Variants in MEI4 observed in about 807,000 individuals in gnomAD.
The protein encoded by MEI4 is meiotic double-stranded break formation protein 4.
A neutral mutation model predicts 31.4 loss-of-function variants in MEI4; 27 were observed. The observed-to-expected ratio is 0.86, with a 90% CI of 0.63 to 1.19. MEI4 has a LOEUF of 1.19. Ranked by LOEUF, MEI4 falls within the 50% of genes most tolerant of loss-of-function variation. The pLI is 0.00. For missense variants in MEI4, 329 were observed against 398.9 expected, an observed-to-expected ratio of 0.82 and a Z score of 1.49; for synonymous variants, 122 against 145.4, an observed-to-expected ratio of 0.84 and a Z score of 1.16.
At chr6:77,848,264 A>G (rs1770534706) in intron 4 of MEI4, among the ~76,000 whole-genome samples, 2 of 152,138 alleles carry the variant, frequency 1.3e-5, no homozygotes, top group South Asian at 4.1e-4. Flanking sequence ...TAGAACTGGA[A>G]CACTTCTAGT....
chr6:77,878,217 T>C (rs1246571869), intron 4 of MEI4, among the ~76,000 whole-genome samples: 4 of 137,156 alleles, frequency 2.9e-5, no homozygotes, highest in African/African-American at 1.0e-4. Flanking sequence ...AATAAGTAAA[T>C]ACATAAAAAA....
At chr6:77,736,356 G>T (rs762084092) in intron 2 of MEI4, among the ~76,000 whole-genome samples, 4 of 152,054 alleles carry the variant, frequency 2.6e-5, no homozygotes, top group Admixed American at 6.5e-5. Flanking sequence ...TTTTAAGCCC[G>T]TTGGAAAAGC....
intron 2 of MEI4, among the ~76,000 whole-genome samples, chr6:77,745,736 C>T (rs556383782): frequency 3.3e-5 from 5 of 152,238 alleles, no homozygotes; most frequent in Admixed American, 2.6e-4. Flanking sequence ...CACTCCTCAG[C>T]AAATGTAAAA....
At chr6:77,899,050 TC>T (rs1766138668) in intron 4 of MEI4, among the ~76,000 whole-genome samples, 1 of 151,638 alleles carries the variant, frequency 6.6e-6, no homozygotes, top group East Asian at 1.9e-4. Context: ...TCCATGGGTG[TC>T]CCTCATTCTC....
At chr6:77,691,506 A>G (rs1401046337) in intron 2 of MEI4, among the ~76,000 whole-genome samples, 2 of 152,052 alleles carry the variant, frequency 1.3e-5, no homozygotes, top group Non-Finnish European at 2.9e-5. Flanking sequence ...AAGATGCAGG[A>G]GCGTGTGCAA....
chr6:77,735,603 TTTGA>T (rs1767171250), intron 2 of MEI4, among the ~76,000 whole-genome samples: 1 of 152,076 alleles, frequency 6.6e-6, no homozygotes, highest in Non-Finnish European at 1.5e-5. Flanking sequence ...CTCGGAGTAA[TTTGA>T]TTGTCTGAAG....
At chr6:77,655,087 G>C (rs1264756428) in intron 1 of MEI4, among the ~76,000 whole-genome samples, 2 of 152,022 alleles carry the variant, frequency 1.3e-5, no homozygotes, top group African/African-American at 4.8e-5. Context: ...CCCGGTGTGT[G>C]ATGTTCCCCT....
intron 1 of MEI4, among the ~76,000 whole-genome samples, chr6:77,681,825 C>T (rs892454916): frequency 6.6e-5 from 10 of 152,174 alleles, no homozygotes; most frequent in Non-Finnish European, 1.5e-4. Flanking sequence ...ATCCTTTTAT[C>T]TTTGCAAGCC....
At chr6:77,877,751 G>A (rs1581945146) in intron 4 of MEI4, among the ~76,000 whole-genome samples, 1 of 123,940 alleles carries the variant, frequency 8.1e-6, no homozygotes, top group Admixed American at 9.4e-5. Context: ...TATTGGATAA[G>A]CAGCCCAAGA....
intron 3 of MEI4, among the ~76,000 whole-genome samples, chr6:77,814,976 T>A (rs1769655291): frequency 6.6e-6 from 1 of 152,176 alleles, no homozygotes; most frequent in East Asian, 1.9e-4. Context: ...ATGGATTGTG[T>A]TCTGTGCCCA....
At chr6:77,727,983 G>A (rs1447996617) in intron 2 of MEI4, among the ~76,000 whole-genome samples, 1 of 152,194 alleles carries the variant, frequency 6.6e-6, no homozygotes, top group African/African-American at 2.4e-5. Flanking sequence ...CATACAGGCA[G>A]AGACTGTAAT....
At chr6:77,890,634 T>C (rs1771737408) in intron 4 of MEI4, among the ~76,000 whole-genome samples, 1 of 152,076 alleles carries the variant, frequency 6.6e-6, no homozygotes, top group Non-Finnish European at 1.5e-5. Context: ...TGTTTTGAAA[T>C]GTGAGGACAT....
chr6:77,666,671 C>A (rs1299253568), intron 1 of MEI4, among the ~76,000 whole-genome samples: 1 of 152,156 alleles, frequency 6.6e-6, no homozygotes, highest in African/African-American at 2.4e-5. Flanking sequence ...TCAAGTTCTC[C>A]TGCTCTTCTA....
intron 3 of MEI4, among the ~76,000 whole-genome samples, chr6:77,765,798 C>A (rs143502650): frequency 6.7e-6 from 1 of 149,474 alleles, no homozygotes; most frequent in African/African-American, 2.6e-5. Flanking sequence ...AAATGTCCAA[C>A]AATGATAGAC....
chr6:77,880,323 C>T (rs1439193350), intron 4 of MEI4, among the ~76,000 whole-genome samples: 4 of 151,690 alleles, frequency 2.6e-5, no homozygotes, highest in South Asian at 2.1e-4. Context: ...CTCCGCCTCC[C>T]GGGCTCACGC....
intron 3 of MEI4, among the ~76,000 whole-genome samples, chr6:77,795,371 G>A (rs1442008255): frequency 1.3e-5 from 2 of 152,030 alleles, no homozygotes; most frequent in Non-Finnish European, 2.9e-5. Context: ...GTTAGAGGCA[G>A]CCTTCTTACA....
Position 77,736,531 on chromosome 6 carries a change from G to A in MEI4, c.233-24599G>A, listed in dbSNP as rs537102162. On this transcript the variant is annotated intron_variant, in intron 2 of 4. Coordinates refer to ENST00000684080, the MANE Select transcript of MEI4 (RefSeq NM_001322247.2). ...GCGCACACACTGACCTGCGCCCACT[G>A]TCTGGCACTCCCTAATGAGATGAAC... Among the ~76,000 whole-genome samples the A allele has an allele frequency of 2.0e-4, 31 of 152,168 alleles. No individual in the cohort carries two copies. In the East Asian group the frequency reaches 5.8e-3, roughly 28 times the overall value.
intron 2 of MEI4, among the ~76,000 whole-genome samples, chr6:77,743,968 T>C (rs1208371474): frequency 6.6e-6 from 1 of 152,110 alleles, no homozygotes; most frequent in African/African-American, 2.4e-5. Context: ...AACCCATCTG[T>C]ACATCACCAT....
At chr6:77,907,707 C>T (rs907696506) in intron 4 of MEI4, among the ~76,000 whole-genome samples, 3 of 152,066 alleles carry the variant, frequency 2.0e-5, no homozygotes, top group African/African-American at 4.8e-5. Flanking sequence ...CCTGAGGAAT[C>T]TAGAACTGAC....
Sources: allele counts gnomAD v4.1 joint callset (sites outside exome capture counted in the v4.1 genomes callset), GRCh38; gene constraint gnomAD v4.1.1; transcripts MANE v1.5; gene names NCBI Gene and HGNC (gene_info 2026-07-23, HGNC 2026-07-21).